DNAH6: variants seen among roughly 807,000 people sequenced by gnomAD.
The protein encoded by DNAH6 is dynein axonemal heavy chain 6.
In DNAH6, 340 loss-of-function variants were observed where a neutral mutation model predicts 491.4. The observed-to-expected ratio is 0.69, with a 90% CI of 0.63 to 0.76. The LOEUF is 0.76. Ranked by LOEUF, DNAH6 falls within the 30% of genes least tolerant of loss-of-function variation. The probability of loss-of-function intolerance (pLI) is 0.00; values close to 1 mark genes in which losing one functional copy is unlikely to be tolerated. For synonymous variants in DNAH6, 1,603 were observed against 1,686.1 expected (o/e 0.95, Z 1.21); for missense variants, 4,443 against 4,972.2 (o/e 0.89, Z 3.20).
chr2:84,510,592 T>TC, the DNAH6 span, among the ~76,000 whole-genome samples: 1 of 152,234 alleles, frequency 6.6e-6, no homozygotes, highest in Non-Finnish European at 1.5e-5. Flanking sequence ...TCATTCTCCA[T>TC]CCAGCTTTGT....
chr2:84,477,855 A>G, the DNAH6 span, among the ~76,000 whole-genome samples: 1 of 152,244 alleles, frequency 6.6e-6, no homozygotes, highest in Non-Finnish European at 1.5e-5. Context: ...CTTTGTATGA[A>G]TTCACCCAGG....
chr2:84,484,300 C>T, the DNAH6 span, among the ~76,000 whole-genome samples: 1 of 152,146 alleles, frequency 6.6e-6, no homozygotes, highest in Non-Finnish European at 1.5e-5. Flanking sequence ...TTCAGAGTCT[C>T]CTTATACTTA....
At chr2:84,582,089 G>T (rs1256135523) in intron 14 of DNAH6, among the ~76,000 whole-genome samples, 2 of 152,130 alleles carry the variant, frequency 1.3e-5, no homozygotes, top group Non-Finnish European at 1.5e-5. Flanking sequence ...GATGTAGAGA[G>T]ACTTAATTCT....
chr2:84,785,950 C>G (rs1172646943), intron 67 of DNAH6, among the ~76,000 whole-genome samples, 194 bp downstream of exon 67: 4 of 152,322 alleles, frequency 2.6e-5, no homozygotes, highest in Middle Eastern at 3.4e-3. Context: ...GCTCTCACCT[C>G]TCGTCTGATC....
chr2:84,779,211 A>G lies in DNAH6; in HGVS notation c.10704-2282A>G, dbSNP rs778709519. Reference sequence around the variant, plus strand: ...ATTTTTTTGTTAGTTTTCTGCCACAATGATGTGTCTAATACTGTCAGTGGG... The same window carrying G: ...ATTTTTTTGTTAGTTTTCTGCCACAGTGATGTGTCTAATACTGTCAGTGGG... On this transcript the variant is annotated intron_variant, in intron 64 of 76. Transcript: ENST00000389394. Among the ~76,000 whole-genome samples, 66 of 152,198 alleles carry G rather than the reference A, an allele frequency of 4.3e-4. 1 individual carries two copies. Among genetic ancestry groups the G allele is most frequent in the African/African-American group, 1.0e-3 (42 of 41,438 alleles).
At chr2:84,703,690 AG>A in intron 50 of DNAH6, 128 bp downstream of exon 50, 1 of 821,406 alleles carries the variant, frequency 1.2e-6, no homozygotes, top group Non-Finnish European at 1.7e-6. Context: ...GATTTAGCAA[AG>A]TTTTTTTTTT....
At chr2:84,492,338 G>A in the DNAH6 span, among the ~76,000 whole-genome samples, 1 of 150,466 alleles carries the variant, frequency 6.6e-6, no homozygotes, top group Admixed American at 6.6e-5. Context: ...TCCTGTAACT[G>A]GGGGAGGATG....
At position 84,733,552 on chromosome 2, in the gene DNAH6, T is replaced by C; in HGVS notation, c.10315T>C (p.Leu3439=). Residue 3439 remains leucine, a synonymous_variant, in exon 62 of 77, where the codon TTG becomes CTG. Transcript: ENST00000389394. Reference sequence around the variant, plus strand: ...TTTTCACGGACTTACCCAAAATATATTGTCACATCCTATTTCCATACGCTT... The same window carrying C: ...TTTTCACGGACTTACCCAAAATATACTGTCACATCCTATTTCCATACGCTT... ...PVFHGLTQNI[L]SHPISIRLGS... 6.4e-7 allele frequency: 1 copy of C among 1,551,710 alleles called. No individual in the cohort carries two copies. Among genetic ancestry groups the C allele is most frequent in the East Asian group, 2.4e-5 (1 of 40,908 alleles).
chr2:84,654,612 A>C (rs1690771235), intron 34 of DNAH6, 48 bp from the exon 35 acceptor site: 1 of 1,545,360 alleles, frequency 6.5e-7, no homozygotes, highest in Non-Finnish European at 8.8e-7. Context: ...TGGAGAAATA[A>C]GGAAGTATCA....
chr2:84,786,740 G>T (rs959535629), intron 67 of DNAH6, among the ~76,000 whole-genome samples: 1 of 152,160 alleles, frequency 6.6e-6, no homozygotes, highest in South Asian at 2.1e-4. Flanking sequence ...ATGATTCTGT[G>T]TGTGGCATAA....
chr2:84,618,304 A>C (rs543021596), intron 23 of DNAH6, among the ~76,000 whole-genome samples: 7 of 152,268 alleles, frequency 4.6e-5, no homozygotes, highest in Non-Finnish European at 8.8e-5. Flanking sequence ...TCAGGAGGAC[A>C]CCTGAAAACC....
chr2:84,807,970 A>G (rs951819354), intron 71 of DNAH6, among the ~76,000 whole-genome samples: 4 of 152,138 alleles, frequency 2.6e-5, no homozygotes, highest in African/African-American at 4.8e-5. Flanking sequence ...CAGTCTTTCT[A>G]TGATCTCACT....
intron 44 of DNAH6, among the ~76,000 whole-genome samples, chr2:84,686,876 GAA>G (rs1694311447): frequency 6.6e-6 from 1 of 152,192 alleles, no homozygotes; most frequent in South Asian, 2.1e-4. Context: ...ACCCTTTACA[GAA>G]AAAGTTTGCT....
the DNAH6 span, among the ~76,000 whole-genome samples, chr2:84,481,018 C>T: frequency 6.6e-6 from 1 of 151,866 alleles, no homozygotes; most frequent in Non-Finnish European, 1.5e-5. Context: ...AGGCCTGCAT[C>T]CTCACAGTTC....
At chr2:84,505,732 C>A in the DNAH6 span, among the ~76,000 whole-genome samples, 1 of 152,090 alleles carries the variant, frequency 6.6e-6, no homozygotes, top group Admixed American at 6.5e-5. Flanking sequence ...CAACAGGCCC[C>A]GGTGTGTTAT....
chr2:84,716,163 A>G (rs975842171), intron 58 of DNAH6, among the ~76,000 whole-genome samples: 3 of 149,496 alleles, frequency 2.0e-5, no homozygotes, highest in African/African-American at 7.3e-5. Context: ...ATATATGGGT[A>G]TATATATATA....
the DNAH6 span, among the ~76,000 whole-genome samples, chr2:84,493,372 T>C: frequency 6.6e-6 from 1 of 152,236 alleles, no homozygotes; most frequent in Admixed American, 6.5e-5. Context: ...TCAATACATA[T>C]AACTCTCCTT....
At chr2:84,516,107 G>T (rs1007767728), upstream of DNAH6, among the ~76,000 whole-genome samples, 3 of 152,150 alleles carry the variant, frequency 2.0e-5, no homozygotes, top group African/African-American at 7.2e-5. Context: ...TGAAATTCTC[G>T]ACTCTTTCGG....
Position 84,718,357 on chromosome 2 carries a change from A to G in DNAH6, c.9765A>G (p.Glu3255=). The change falls in exon 59 of 77, where the codon GAA becomes GAG. Residue 3255 remains glutamate, a synonymous_variant. Transcript: ENST00000389394. ...TSEGNILDNE[E]LIDTLQDSKI... ...AAGGAAATATTCTGGACAATGAAGA[A>G]CTTATTGACACACTCCAGGATTCAA... The G allele has an allele frequency of 3.9e-6, 6 of 1,540,722 alleles. No individual in the cohort carries two copies. The highest frequency in any genetic ancestry group is 5.2e-6 in the Non-Finnish European group (6 of 1,144,110).
Sources: gnomAD v4.1 joint callset for allele counts (sites outside exome capture counted in the v4.1 genomes callset) on GRCh38, gnomAD v4.1.1 for gene constraint, MANE v1.5 for transcripts, NCBI Gene and HGNC (gene_info 2026-07-23, HGNC 2026-07-21) for gene names.